The following ASL variants were observed in gnomAD, a reference collection of about 807,000 sequenced individuals.
ASL encodes the protein argininosuccinate lyase, also known as argininosuccinase.
A neutral mutation model predicts 69.1 loss-of-function variants in ASL; 51 were observed. The observed-to-expected ratio is 0.74, with a 90% CI of 0.59 to 0.93. The LOEUF is 0.93. ASL is among the 40% of genes least tolerant of loss of function. The pLI, the probability that ASL is intolerant of heterozygous loss-of-function variation, is 0.00. For missense variants in ASL, 540 were observed against 623.9 expected (o/e 0.87, Z 1.43); for synonymous variants, 241 against 247.6 (o/e 0.97, Z 0.25).
At chr7:66,089,357 G>C (rs1024029606) in intron 13 of ASL, 22 bp downstream of exon 13, 1 of 1,589,324 alleles carries the variant, frequency 6.3e-7, no homozygotes, top group African/African-American at 1.3e-5. Flanking sequence ...GGGGAGGCCT[G>C]GCTAGTACGT....
intron 3 of ASL, 30 bp downstream of exon 3, chr7:66,082,027 G>A: frequency 2.5e-6 from 4 of 1,575,706 alleles, no homozygotes; most frequent in Non-Finnish European, 3.4e-6. Context: ...CCCCACCCAA[G>A]GCCCCTTCCC....
intron 9 of ASL, 86 bp from the exon 10 acceptor site, chr7:66,087,642 CA>C (rs1786708776): frequency 1.4e-6 from 2 of 1,457,442 alleles, no homozygotes; most frequent in African/African-American, 1.4e-5. Flanking sequence ...CCACCCTGAT[CA>C]GGGGAGGGGG....
chr7:66,090,651 G>A lies in ASL; in HGVS notation c.1062+956G>A, dbSNP rs149728366. ...GAATGCATAATGAACCCTATGTACC[G>A]ACACCCAGCTTCAATGATAATCAAC... On this transcript the variant is annotated intron_variant, in intron 14 of 16. Transcript: ENST00000304874. Among the ~76,000 whole-genome samples the A allele has an allele frequency of 4.7e-4, 72 of 152,118 alleles. 2 individuals are homozygous for A. The East Asian group carries it at 8.7e-3, about 18-fold the overall frequency.
At chr7:66,079,481 G>A (rs1032320774) in intron 2 of ASL, among the ~76,000 whole-genome samples, 9 of 152,164 alleles carry the variant, frequency 5.9e-5, no homozygotes, top group African/African-American at 1.4e-4. Flanking sequence ...TGTGGCTGGC[G>A]CCTAGGCTCA....
chr7:66,089,668 G>A lies in ASL; in HGVS notation c.1035G>A (p.Val345=), dbSNP rs182203503. The change falls in exon 14 of 17, where the codon GTG becomes GTA. Residue 345 remains valine (V), a synonymous_variant. Coordinates refer to ENST00000304874, the MANE Select transcript of ASL (RefSeq NM_000048.4). Reference sequence around the variant, plus strand: ...ACACTATGAGTGCCGTGCTCCAGGTGGCCACTGGCGTCATCTCTACGCTGC... The same window carrying A: ...ACACTATGAGTGCCGTGCTCCAGGTAGCCACTGGCGTCATCTCTACGCTGC... ...VSDTMSAVLQ[V]ATGVISTLQI... 55 of 1,613,850 alleles carry A rather than the reference G, an allele frequency of 3.4e-5. No homozygotes were observed. In the African/African-American group the frequency reaches 5.3e-4, roughly 16 times the overall value.
chr7:66,090,160 C>A (rs975326970), intron 14 of ASL, among the ~76,000 whole-genome samples: 1 of 152,144 alleles, frequency 6.6e-6, no homozygotes, highest in Non-Finnish European at 1.5e-5. Flanking sequence ...ATAGCTTGAA[C>A]CCAGGAGATG....
At chr7:66,075,938 A>G (rs1786332149) in intron 1 of ASL, 82 bp downstream of exon 1, 1 of 1,097,396 alleles carries the variant, frequency 9.1e-7, no homozygotes, top group Non-Finnish European at 1.3e-6. Flanking sequence ...CGCGTCCCCA[A>G]GGGCTGCGCT....
Position 66,086,770 on chromosome 7 carries a change from CTG to C in ASL, c.552_553del (p.Glu185AlafsTer49), listed in dbSNP as rs2115725640. 1 of 1,601,280 alleles carries C rather than the reference CTG, an allele frequency of 6.2e-7. No homozygotes were observed. Among genetic ancestry groups the C allele is most frequent in the East Asian group, 2.3e-5 (1 of 44,364 alleles). On this transcript the variant is annotated frameshift_variant, in exon 8 of 17. Coordinates refer to ENST00000304874, the MANE Select transcript of ASL (RefSeq NM_000048.4). LOFTEE classifies it high-confidence loss of function. Reference sequence around the variant, plus strand: ...CACGCCGTGGCACTGACCCGAGACTCTGAGCGGCTGCTGGAGGTGCGGAAGCG... The same window carrying C: ...CACGCCGTGGCACTGACCCGAGACTCAGCGGCTGCTGGAGGTGCGGAAGCG...
chr7:66,087,240 G>A (rs1221035774), intron 8 of ASL, 94 bp from the exon 9 acceptor site: 40 of 1,387,828 alleles, frequency 2.9e-5, no homozygotes, highest in South Asian at 1.9e-4. Context: ...CTGTGTGTGC[G>A]TTCGTGTGTG....
intron 15 of ASL, 47 bp from the exon 16 acceptor site, chr7:66,092,508 AGG>A: frequency 6.6e-7 from 1 of 1,521,194 alleles, no homozygotes; most frequent in South Asian, 1.1e-5. Flanking sequence ...GAGGCAGATC[AGG>A]GCATGGAGAA....
intron 4 of ASL, 75 bp from the exon 5 acceptor site, chr7:66,082,805 T>G (rs910478629): frequency 2.3e-5 from 37 of 1,586,390 alleles, no homozygotes; most frequent in Non-Finnish European, 3.0e-5. Context: ...GCAGGGCTGA[T>G]GAGGAAAACT....
At chr7:66,080,195 A>C (rs905900891) in intron 2 of ASL, among the ~76,000 whole-genome samples, 3 of 151,506 alleles carry the variant, frequency 2.0e-5, no homozygotes, top group Admixed American at 6.6e-5. Context: ...CTGGCTAACA[A>C]GGTGAAACCA....
chr7:66,077,252 G>C (rs1051948086), intron 2 of ASL, among the ~76,000 whole-genome samples: 1 of 152,044 alleles, frequency 6.6e-6, no homozygotes, highest in African/African-American at 2.4e-5. Flanking sequence ...AATGTAATGA[G>C]ACCCTGTCTC....
rs140912458 is a variant in ASL, at chr7:66,086,966, G to A, written c.602+145G>A. On this transcript the variant is annotated intron_variant, in intron 8 of 16. Coordinates refer to ENST00000304874, the MANE Select transcript of ASL (RefSeq NM_000048.4). ...GACTCTGCATGGAGCCCCAGCTCTC[G>A]CTAAGGTGACGACCAAGCCATTGAA... is the stretch of plus-strand genomic sequence containing the variant. 1,773 of 1,021,802 alleles carry A rather than the reference G, an allele frequency of 1.7e-3. 24 individuals carry two copies. Among genetic ancestry groups the A allele is most frequent in the South Asian group, 0.014 (914 of 63,488 alleles). 63.3% of individuals were successfully genotyped at this position (1,021,802 alleles called of 1,614,324 possible).
chr7:66,081,934 C>T lies in ASL; in HGVS notation c.144C>T (p.Gly48=). The T allele has an allele frequency of 6.2e-7, 1 of 1,613,770 alleles. No homozygotes were observed. Among genetic ancestry groups the T allele is most frequent in the East Asian group, 2.2e-5 (1 of 44,872 alleles). The change falls in exon 3 of 17, where the codon GGC becomes GGT. Residue 48 remains glycine (G), a synonymous_variant. Transcript: ENST00000304874. ...DVQGSKAYSR[G]LEKAGLLTKA... is the part of the protein sequence containing the mutation. ...AAGGCAGCAAAGCCTACAGCAGGGGCCTGGAGAAGGCAGGGCTCCTCACCA... is the reference window on the plus strand; with the variant it reads ...AAGGCAGCAAAGCCTACAGCAGGGGTCTGGAGAAGGCAGGGCTCCTCACCA...
intron 6 of ASL, among the ~76,000 whole-genome samples, chr7:66,084,119 T>C (rs1358152266): frequency 2.6e-5 from 4 of 151,878 alleles, no homozygotes; most frequent in Admixed American, 2.0e-4. Flanking sequence ...TGTCTGCTAC[T>C]GAGTTCAGGG....
chr7:66,087,479 T>A, intron 9 of ASL, 93 bp downstream of exon 9: 1 of 1,446,264 alleles, frequency 6.9e-7, no homozygotes, highest in Non-Finnish European at 9.5e-7. Context: ...CAGGGGCCTG[T>A]GGCTCCTGGT....
chr7:66,083,576 C>G (rs916903821), intron 6 of ASL, among the ~76,000 whole-genome samples: 1 of 151,596 alleles, frequency 6.6e-6, no homozygotes, highest in Non-Finnish European at 1.5e-5. Context: ...CCCAGCTACT[C>G]GGGAGCCTGA....
intron 13 of ASL, 71 bp downstream of exon 13, chr7:66,089,406 C>CA (rs1307370517): frequency 6.5e-7 from 1 of 1,543,216 alleles, no homozygotes; most frequent in African/African-American, 1.4e-5. Context: ...GGCAGGGCCC[C>CA]ACCCCGGGAT....
Sources: allele counts gnomAD v4.1 joint callset (sites outside exome capture counted in the v4.1 genomes callset), GRCh38; gene constraint gnomAD v4.1.1; transcripts MANE v1.5; gene names NCBI Gene and HGNC (gene_info 2026-07-23, HGNC 2026-07-21).